ADAMTSL1: variants seen among roughly 807,000 people sequenced by gnomAD.
ADAMTSL1 encodes the protein ADAMTS-like protein 1.
Under a neutral mutation model 201.8 loss-of-function variants are expected in ADAMTSL1, and 126 were observed. The observed-to-expected ratio is 0.62, with a 90% CI of 0.54 to 0.72. The LOEUF is 0.72. Ranked by LOEUF, ADAMTSL1 falls within the 30% of genes least tolerant of loss-of-function variation. The probability of loss-of-function intolerance (pLI) is 0.00; values close to 1 mark genes in which losing one functional copy is unlikely to be tolerated. For missense variants in ADAMTSL1, 2,679 were observed against 2,277.8 expected (o/e 1.18, Z -3.59); for synonymous variants, 1,121 against 903.4 (o/e 1.24, Z -4.32).
At position 18,696,832 on chromosome 9, in the gene ADAMTSL1, C is replaced by G. The variant is rs1284488462; in HGVS notation, c.1575-9915C>G. Among the ~76,000 whole-genome samples the G allele has an allele frequency of 2.7e-5, 4 of 149,470 alleles. No homozygotes were observed. The Admixed American group carries it at 2.7e-4, about 10-fold the overall frequency. On this transcript the variant is annotated intron_variant, in intron 13 of 28. Transcript: ENST00000380548. ...TTTTCAAAAGGGTACAATCATAAGTCTCATGAAAATATAAAATAATCACAT... is the reference window on the plus strand; with the variant it reads ...TTTTCAAAAGGGTACAATCATAAGTGTCATGAAAATATAAAATAATCACAT...
intron 2 of ADAMTSL1, among the ~76,000 whole-genome samples, chr9:18,289,165 CTATCT>C (rs1563861558): frequency 8.0e-6 from 1 of 124,906 alleles, no homozygotes; most frequent in African/African-American, 3.3e-5. Context: ...ATCTATCTAT[CTATCT>C]ATCTACCTAC....
intron 2 of ADAMTSL1, among the ~76,000 whole-genome samples, chr9:18,325,857 CCG>C (rs1834812187): frequency 6.6e-6 from 1 of 152,138 alleles, no homozygotes; most frequent in Non-Finnish European, 1.5e-5. Flanking sequence ...TCTCCTGCCT[CCG>C]CCTCCCGCGT....
chr9:17,936,143 C>G (rs1022312823), intron 1 of ADAMTSL1, among the ~76,000 whole-genome samples: 4 of 152,124 alleles, frequency 2.6e-5, no homozygotes, highest in African/African-American at 9.7e-5. Flanking sequence ...GATTTGGGGC[C>G]AACTGTGCAT....
intron 1 of ADAMTSL1, among the ~76,000 whole-genome samples, chr9:18,163,542 A>C (rs1291948835): frequency 1.3e-5 from 2 of 151,938 alleles, no homozygotes; most frequent in African/African-American, 4.8e-5. Context: ...AGATCCATGG[A>C]TAGCCCAATG....
chr9:18,673,410 G>C (rs936065276), intron 9 of ADAMTSL1, among the ~76,000 whole-genome samples: 3 of 152,236 alleles, frequency 2.0e-5, no homozygotes, highest in Non-Finnish European at 4.4e-5. Flanking sequence ...ATAGCTTTCT[G>C]TTTTCACAGG....
At chr9:18,627,842 G>T (rs1340357792) in intron 5 of ADAMTSL1, among the ~76,000 whole-genome samples, 2 of 152,096 alleles carry the variant, frequency 1.3e-5, no homozygotes, top group Non-Finnish European at 2.9e-5. Flanking sequence ...GGACATATTT[G>T]GCAGGGGAGA....
chr9:18,886,944 T>A (rs926180883), intron 23 of ADAMTSL1, among the ~76,000 whole-genome samples: 10 of 152,192 alleles, frequency 6.6e-5, no homozygotes, highest in African/African-American at 2.2e-4. Flanking sequence ...GGGAAGATAG[T>A]CTTAATTATC....
chr9:18,907,961 G>A (rs951990768), intron 28 of ADAMTSL1: 2 of 185,534 alleles, frequency 1.1e-5, no homozygotes, highest in African/African-American at 4.8e-5. Flanking sequence ...AAGTGCCTGG[G>A]GATGGGGGCA....
In ADAMTSL1 at chr9:18,399,306, TATATATATATATATATATATA is replaced by T. The variant is rs1563934698; in HGVS notation, c.208-105522_208-105502del. On this transcript the variant is annotated intron_variant, in intron 2 of 29. Transcript: ENST00000680146. ...ATATATATATATATATATATATATA[TATATATATATATATATATATA>T]TAAAATTATTATTTTCTTTTTTTCT... Among the ~76,000 whole-genome samples, 2 of 114,764 alleles carry T rather than the reference TATATATATATATATATATATA, an allele frequency of 1.7e-5. 1 individual carries two copies. The highest frequency in any genetic ancestry group is 6.4e-5 in the African/African-American group (2 of 31,288). The allele number at this position is 114,764 out of a possible 152,430, so 75.3% of individuals were successfully genotyped here.
intron 2 of ADAMTSL1, among the ~76,000 whole-genome samples, chr9:18,513,373 G>C (rs1823437923): frequency 6.6e-6 from 1 of 152,160 alleles, no homozygotes. Flanking sequence ...GATTAGTCTA[G>C]ATACCTTATA....
At position 18,657,628 on chromosome 9, in the gene ADAMTSL1, G is replaced by C. The variant is rs1828778982; in HGVS notation, c.835-11G>C. 1 of 1,606,132 alleles carries C rather than the reference G, an allele frequency of 6.2e-7. No individual in the cohort carries two copies. On this transcript the variant is annotated splice_polypyrimidine_tract_variant and intron_variant, in intron 7 of 28. Coordinates refer to ENST00000380548, the MANE Select transcript of ADAMTSL1 (RefSeq NM_001040272.6). ...GTCACATTACTTCTACTTTCCTGTT[G>C]ACTCCTGCAGATTCGTAACTCGGGC...
intron 1 of ADAMTSL1, among the ~76,000 whole-genome samples, chr9:17,939,602 A>T (rs1427702811): frequency 6.6e-6 from 1 of 152,132 alleles, no homozygotes; most frequent in Admixed American, 6.6e-5. Context: ...TGAAAGGATG[A>T]TTATTATAAT....
chr9:18,323,195 C>T (rs914625907), intron 2 of ADAMTSL1, among the ~76,000 whole-genome samples: 6 of 152,170 alleles, frequency 3.9e-5, no homozygotes, highest in African/African-American at 1.4e-4. Context: ...AGAACATTAG[C>T]AGCCCAATTA....
At chr9:18,157,432 G>A (rs1827204288) in intron 1 of ADAMTSL1, among the ~76,000 whole-genome samples, 1 of 151,914 alleles carries the variant, frequency 6.6e-6, no homozygotes, top group Admixed American at 6.6e-5. Context: ...AGGCTATTTT[G>A]CTAGGGTAAT....
At chr9:18,429,520 T>C (rs1819387888) in intron 2 of ADAMTSL1, among the ~76,000 whole-genome samples, 1 of 152,124 alleles carries the variant, frequency 6.6e-6, no homozygotes, top group African/African-American at 2.4e-5. Flanking sequence ...CTATTGCTTC[T>C]CCAGTTGCTA....
At chr9:18,183,303 A>G (rs1241154704) in intron 2 of ADAMTSL1, among the ~76,000 whole-genome samples, 1 of 152,252 alleles carries the variant, frequency 6.6e-6, no homozygotes, top group Non-Finnish European at 1.5e-5. Flanking sequence ...GAGAAAACCT[A>G]GATGACATTG....
chr9:18,609,714 C>G (rs1041094813), intron 4 of ADAMTSL1, among the ~76,000 whole-genome samples: 1 of 151,512 alleles, frequency 6.6e-6, no homozygotes, highest in East Asian at 1.9e-4. Context: ...GACTACATAT[C>G]CCCCCCCTAA....
intron 5 of ADAMTSL1, among the ~76,000 whole-genome samples, chr9:18,623,754 A>G (rs180884340): frequency 6.6e-6 from 1 of 152,294 alleles, no homozygotes. Context: ...TTATTTTGAC[A>G]TTGCTTGGCA....
intron 17 of ADAMTSL1, among the ~76,000 whole-genome samples, chr9:18,772,039 C>A (rs1820722627): frequency 6.6e-6 from 1 of 152,044 alleles, no homozygotes; most frequent in African/African-American, 2.4e-5. Context: ...CTCATGCTTT[C>A]TAAATTTGAT....
Sources: allele counts gnomAD v4.1 joint callset (sites outside exome capture counted in the v4.1 genomes callset), GRCh38; gene constraint gnomAD v4.1.1; transcripts MANE v1.5; gene names NCBI Gene and HGNC (gene_info 2026-07-23, HGNC 2026-07-21).